NEGR1: variants seen among roughly 807,000 people sequenced by gnomAD.
NEGR1 encodes the protein IgLON family member 4.
NEGR1 carries 10 observed loss-of-function variants against 40.9 expected under a neutral mutation model. That is an observed-to-expected ratio of 0.24 (90% confidence interval 0.15 to 0.42). The LOEUF (loss-of-function observed/expected upper bound fraction) is 0.42. Among genes scored for constraint, NEGR1 ranks in the 10% least tolerant of loss-of-function variants. The probability of loss-of-function intolerance (pLI) is 1.00; values close to 1 mark genes in which losing one functional copy is unlikely to be tolerated. For synonymous variants in NEGR1, 185 were observed against 166.8 expected, an observed-to-expected ratio of 1.11 and a Z score of -0.84; for missense variants, 352 against 438.9, an observed-to-expected ratio of 0.80 and a Z score of 1.77.
At chr1:72,275,628 TGA>T (rs746860519) in intron 1 of NEGR1, among the ~76,000 whole-genome samples, 1 of 152,124 alleles carries the variant, frequency 6.6e-6, no homozygotes, top group Non-Finnish European at 1.5e-5. Flanking sequence ...AGAGCATCCC[TGA>T]GAGAGTCATT....
At chr1:72,020,679 A>G (rs1646748750) in intron 1 of NEGR1, among the ~76,000 whole-genome samples, 1 of 152,194 alleles carries the variant, frequency 6.6e-6, no homozygotes, top group Non-Finnish European at 1.5e-5. Context: ...TAACATACCA[A>G]AACAGACGAC....
chr1:71,599,540 T>C (rs1164574610), intron 5 of NEGR1, among the ~76,000 whole-genome samples: 1 of 152,248 alleles, frequency 6.6e-6, no homozygotes, highest in Non-Finnish European at 1.5e-5. Context: ...TTTATTGTGC[T>C]GCTTGATACT....
chr1:71,728,033 C>A (rs116263000), intron 3 of NEGR1, among the ~76,000 whole-genome samples: 6 of 152,034 alleles, frequency 3.9e-5, no homozygotes, highest in Non-Finnish European at 8.8e-5. Context: ...CCATTCAATA[C>A]GGGACAGGTA....
At chr1:72,088,796 C>CTCTTTT (rs1477735559) in intron 1 of NEGR1, among the ~76,000 whole-genome samples, 4 of 74,906 alleles carry the variant, frequency 5.3e-5, no homozygotes, top group African/African-American at 1.9e-4. Context: ...CTCTCTCTCT[C>CTCTTTT]TTTTTTTTTT....
chr1:72,025,461 T>C (rs1187691539), intron 1 of NEGR1, among the ~76,000 whole-genome samples: 1 of 152,168 alleles, frequency 6.6e-6, no homozygotes, highest in Admixed American at 6.5e-5. Context: ...ATAAAATAAT[T>C]CATTGATTCA....
intron 6 of NEGR1, among the ~76,000 whole-genome samples, chr1:71,424,503 G>A (rs1274565402): frequency 1.3e-5 from 2 of 152,272 alleles, no homozygotes; most frequent in East Asian, 3.9e-4. Context: ...ACTAATCTAA[G>A]TACTTTGTGA....
chr1:71,902,963 C>T (rs750189395), intron 2 of NEGR1, among the ~76,000 whole-genome samples: 7 of 151,692 alleles, frequency 4.6e-5, no homozygotes, highest in South Asian at 2.1e-4. Context: ...TTGAAAAAAA[C>T]ATGAGACTAG....
intron 1 of NEGR1, among the ~76,000 whole-genome samples, chr1:71,957,923 T>C (rs1273285281): frequency 6.6e-6 from 1 of 152,224 alleles, no homozygotes; most frequent in East Asian, 1.9e-4. Flanking sequence ...CTATTTTCTC[T>C]TTCCCCTCAA....
rs185633682 is a variant in NEGR1, at chr1:72,062,454, G to A, written c.177-127143C>T. On this transcript the variant is annotated intron_variant, in intron 1 of 6. Transcript: ENST00000357731. ...CATGCATTTATATCTATCTCTCTTT[G>A]AAGAGGAAAAAGACTTCTTGTTCAT... Among the ~76,000 whole-genome samples the A allele has an allele frequency of 2.5e-3, 380 of 151,856 alleles. 1 individual carries two copies. Among genetic ancestry groups the A allele is most frequent in the African/African-American group, 8.7e-3 (360 of 41,434 alleles).
chr1:71,675,138 T>C (rs1288743587), intron 4 of NEGR1, among the ~76,000 whole-genome samples: 3 of 141,542 alleles, frequency 2.1e-5, no homozygotes, highest in South Asian at 2.3e-4. Context: ...CACACACACA[T>C]ATGAATTCTT....
intron 1 of NEGR1, among the ~76,000 whole-genome samples, chr1:71,984,227 G>C (rs1479638033): frequency 6.9e-6 from 1 of 145,958 alleles, no homozygotes; most frequent in Non-Finnish European, 1.5e-5. Flanking sequence ...ATCACCTATT[G>C]TGTACAATTA....
At chr1:71,837,828 C>T (rs1659097132) in intron 2 of NEGR1, among the ~76,000 whole-genome samples, 1 of 152,014 alleles carries the variant, frequency 6.6e-6, no homozygotes. Flanking sequence ...GGGTACTCAC[C>T]TAATTAGAAC....
chr1:71,927,817 CTAAAAAAAAA>C, intron 2 of NEGR1, among the ~76,000 whole-genome samples: 1 of 33,298 alleles, frequency 3.0e-5, no homozygotes, highest in Admixed American at 4.5e-4. Flanking sequence ...GACCCAATCT[CTAAAAAAAAA>C]AAAAAAAAAA....
chr1:71,699,409 T>G (rs1653604088), intron 3 of NEGR1, among the ~76,000 whole-genome samples: 1 of 151,906 alleles, frequency 6.6e-6, no homozygotes, highest in Non-Finnish European at 1.5e-5. Context: ...TTAAGTCGTA[T>G]TTCCATTTAT....
intron 1 of NEGR1, among the ~76,000 whole-genome samples, chr1:72,143,555 A>C (rs1650765158): frequency 6.6e-6 from 1 of 151,682 alleles, no homozygotes. Context: ...AATATAAATA[A>C]TTTTAGATTT....
intron 5 of NEGR1, among the ~76,000 whole-genome samples, chr1:71,603,490 A>C (rs1649988520): frequency 6.6e-6 from 1 of 152,214 alleles, no homozygotes; most frequent in Admixed American, 6.5e-5. Context: ...AGTTTTTATT[A>C]TCATATGTAA....
intron 1 of NEGR1, among the ~76,000 whole-genome samples, chr1:72,121,311 A>G (rs1649797049): frequency 6.6e-6 from 1 of 151,992 alleles, no homozygotes; most frequent in South Asian, 2.1e-4. Context: ...CTGAGTCCAT[A>G]CTTCCAAGAA....
At position 71,490,384 on chromosome 1, in the gene NEGR1, CA is replaced by C. The variant is rs1205787608; in HGVS notation, c.941-82815del. 5.9e-5 allele frequency among the ~76,000 whole-genome samples: 9 copies of C among 151,876 alleles called. 1 individual carries two copies. In the South Asian group the frequency reaches 1.9e-3, roughly 31 times the overall value. ...AGTGTGCATGGCCAAACACATTCTT[CA>C]AAAAAACAACATAAAGGATATAAAG... On this transcript the variant is annotated intron_variant, in intron 6 of 6. Coordinates refer to ENST00000357731, the MANE Select transcript of NEGR1 (RefSeq NM_173808.3).
intron 6 of NEGR1, among the ~76,000 whole-genome samples, chr1:71,485,392 C>A (rs759579489): frequency 6.6e-6 from 1 of 151,588 alleles, no homozygotes; most frequent in Non-Finnish European, 1.5e-5. Context: ...AACATCCCCA[C>A]CAGAGTGGTA....
Sources: gnomAD v4.1 joint callset for allele counts (sites outside exome capture counted in the v4.1 genomes callset) on GRCh38, gnomAD v4.1.1 for gene constraint, MANE v1.5 for transcripts, NCBI Gene and HGNC (gene_info 2026-07-23, HGNC 2026-07-21) for gene names.